Variants in CSE1L observed in about 807,000 individuals in gnomAD.
CSE1L encodes the protein exportin-2.
In CSE1L, 24 loss-of-function variants were observed where a neutral mutation model predicts 120.4. The ratio of observed to expected loss-of-function variants is 0.20; its 90% CI spans 0.14 to 0.28. The LOEUF is 0.28. Among genes scored for constraint, CSE1L ranks in the 10% least tolerant of loss-of-function variants. CSE1L has a pLI of 1.00. For synonymous variants in CSE1L, 402 were observed against 398.3 expected (o/e 1.01, Z -0.11); for missense variants, 830 against 1,145.2 (o/e 0.72, Z 3.97).
chr20:49,092,313 A>T lies in CSE1L; in HGVS notation c.2447+186A>T, dbSNP rs548726620. Among the ~76,000 whole-genome samples the T allele has an allele frequency of 2.6e-5, 4 of 152,106 alleles. No homozygotes were observed. The South Asian group carries it at 8.3e-4, about 32-fold the overall frequency. ...TAATCCTGGCCCAGCATGGTGGCTC[A>T]CGCCCGTAATCCCACACTCTGAGAG... On this transcript the variant is annotated intron_variant, in intron 22 of 24. Transcript: ENST00000262982.
At chr20:49,049,766 T>C (rs1343018027) in intron 1 of CSE1L, among the ~76,000 whole-genome samples, 1 of 152,202 alleles carries the variant, frequency 6.6e-6, no homozygotes, top group African/African-American at 2.4e-5. Flanking sequence ...CCTTAAAGAA[T>C]ATTCCCAAAG....
chr20:49,087,361 T>C (rs868723719), intron 16 of CSE1L, among the ~76,000 whole-genome samples: 1 of 147,086 alleles, frequency 6.8e-6, no homozygotes, highest in Admixed American at 6.8e-5. Context: ...CTTTTTTTTT[T>C]TTTTTTTTGA....
At chr20:49,083,689 AAT>A (rs2092031291) in intron 14 of CSE1L, among the ~76,000 whole-genome samples, 2 of 152,230 alleles carry the variant, frequency 1.3e-5, no homozygotes, top group African/African-American at 4.8e-5. Flanking sequence ...AAAAAGGTTA[AAT>A]AACTTTTTCA....
chr20:49,086,703 A>G (rs1241446146), intron 16 of CSE1L, among the ~76,000 whole-genome samples: 1 of 152,082 alleles, frequency 6.6e-6, no homozygotes, highest in East Asian at 1.9e-4. Context: ...ACTAGTCTGT[A>G]ATCTTCATTA....
At chr20:49,065,620 A>T (rs570650587) in intron 3 of CSE1L, among the ~76,000 whole-genome samples, 2 of 81,404 alleles carry the variant, frequency 2.5e-5, no homozygotes, top group East Asian at 1.4e-3. Context: ...TTTGAGACAG[A>T]GTCACTCTTG....
At chr20:49,049,712 T>C (rs1462176797) in intron 1 of CSE1L, among the ~76,000 whole-genome samples, 1 of 152,236 alleles carries the variant, frequency 6.6e-6, no homozygotes, top group African/African-American at 2.4e-5. Flanking sequence ...TTTTATAGAC[T>C]ATATCTGCAA....
intron 22 of CSE1L, 83 bp from the exon 23 acceptor site, chr20:49,094,057 T>C (rs2092121972): frequency 2.4e-6 from 2 of 838,306 alleles, no homozygotes; most frequent in Non-Finnish European, 3.7e-6. Context: ...ATCATATTCA[T>C]AAGAAGTAAC....
At chr20:49,083,282 G>A (rs970572231) in intron 14 of CSE1L, among the ~76,000 whole-genome samples, 1 of 152,174 alleles carries the variant, frequency 6.6e-6, no homozygotes, top group African/African-American at 2.4e-5. Context: ...GCCTCCCAAA[G>A]TGCTGGGATT....
chr20:49,081,102 G>A (rs2092009684), intron 14 of CSE1L, among the ~76,000 whole-genome samples: 1 of 150,932 alleles, frequency 6.6e-6, no homozygotes, highest in South Asian at 2.1e-4. Context: ...TCTTGCCTCA[G>A]CCTCCTGAGT....
At position 49,072,343 on chromosome 20, in the gene CSE1L, G is replaced by A. The variant is rs149344844; in HGVS notation, c.826G>A (p.Ala276Thr). The A allele has an allele frequency of 4.3e-6, 7 of 1,613,986 alleles. No individual in the cohort carries two copies. Among genetic ancestry groups the A allele is most frequent in the African/African-American group, 1.3e-5 (1 of 74,886 alleles). ...AAAATCCCAGATTTGTGATAATGCCGCACTCTATGCACAAAAGTACGATGA... is the reference window on the plus strand; with the variant it reads ...AAAATCCCAGATTTGTGATAATGCCACACTCTATGCACAAAAGTACGATGA... Reference protein sequence around the residue: ...LLKSQICDNAALYAQKYDEEF... With the variant: ...LLKSQICDNATLYAQKYDEEF... Residue 276 changes from alanine (A) to threonine (T), a missense_variant, in exon 9 of 25, where the codon GCA becomes ACA. By Grantham distance (58) the Ala-to-Thr change is moderately conservative. This residue lies in a region of CSE1L where 543 missense variants were observed against 640.2 expected (regional missense o/e 0.85). Transcript: ENST00000262982.
chr20:49,077,137 C>A, intron 13 of CSE1L, 73 bp downstream of exon 13: 1 of 770,212 alleles, frequency 1.3e-6, no homozygotes, highest in Non-Finnish European at 2.0e-6. Flanking sequence ...GCTTCCTATC[C>A]TTGTTCCCTT....
chr20:49,095,842 C>G (rs2092135321), intron 24 of CSE1L, among the ~76,000 whole-genome samples: 1 of 152,112 alleles, frequency 6.6e-6, no homozygotes, highest in African/African-American at 2.4e-5. Flanking sequence ...GCCTGGGCAA[C>G]AGAGCGAGGT....
chr20:49,077,345 A>G (rs2091977355), intron 13 of CSE1L, among the ~76,000 whole-genome samples: 1 of 151,974 alleles, frequency 6.6e-6, no homozygotes, highest in Non-Finnish European at 1.5e-5. Context: ...TTTTTAGTAG[A>G]GACGGGGTTT....
chr20:49,065,310 AAAAT>A (rs2091882303), intron 3 of CSE1L, among the ~76,000 whole-genome samples: 6 of 70,390 alleles, frequency 8.5e-5, no homozygotes, highest in African/African-American at 2.4e-4. Flanking sequence ...AAATGAAAAA[AAAAT>A]TTTTTTTTTT....
intron 17 of CSE1L, among the ~76,000 whole-genome samples, chr20:49,088,880 C>G (rs767362622): frequency 6.6e-6 from 1 of 152,026 alleles, no homozygotes; most frequent in Non-Finnish European, 1.5e-5. Context: ...TTAAAAAGAA[C>G]ATAAAAAACT....
chr20:49,085,191 G>C (rs1225600265), intron 15 of CSE1L, 92 bp from the exon 16 acceptor site: 2 of 895,760 alleles, frequency 2.2e-6, no homozygotes, highest in Non-Finnish European at 3.7e-6. Context: ...TCAGTTTTAT[G>C]CTGAGAAGGG....
intron 21 of CSE1L, 136 bp downstream of exon 21, chr20:49,091,158 C>T (rs1169507551): frequency 1.5e-6 from 1 of 669,390 alleles, no homozygotes; most frequent in African/African-American, 1.8e-5. Context: ...TGTGGAGGTT[C>T]ATGCCTGTAA....
At position 49,080,700 on chromosome 20, in the gene CSE1L, C is replaced by T. The variant is rs112947615; in HGVS notation, c.1482+2078C>T. On this transcript the variant is annotated intron_variant, in intron 14 of 24. Transcript: ENST00000262982. ...CATGTTGGTCAGGCTGGTCTCGAACCCCCTACCTCAGGCGATCCGCCTGCC... is the reference window on the plus strand; with the variant it reads ...CATGTTGGTCAGGCTGGTCTCGAACTCCCTACCTCAGGCGATCCGCCTGCC... Among the ~76,000 whole-genome samples the T allele has an allele frequency of 7.0e-4, 107 of 152,072 alleles. 1 individual carries two copies. The highest frequency in any genetic ancestry group is 2.5e-3 in the African/African-American group (102 of 41,486).
chr20:49,089,396 A>G lies in CSE1L; in HGVS notation c.1971A>G (p.Gln657=). The G allele has an allele frequency of 6.2e-7, 1 of 1,607,328 alleles. No individual in the cohort carries two copies. Among genetic ancestry groups the G allele is most frequent in the Non-Finnish European group, 8.5e-7 (1 of 1,178,352 alleles). ...CTGAAATCTTACAAAATGATGTGCA[A>G]GGTAAGTTAACGGAAATTATTTTCT... ...VFTEILQNDV[Q]EFIPYVFQVM... is the part of the protein sequence containing the mutation. Residue 657 remains glutamine, a splice_region_variant and synonymous_variant, in exon 18 of 25, where the codon CAA becomes CAG. Transcript: ENST00000262982.
Sources: allele counts gnomAD v4.1 joint callset (sites outside exome capture counted in the v4.1 genomes callset), GRCh38; gene constraint gnomAD v4.1.1; regional missense constraint gnomAD v4.1.1; transcripts MANE v1.5; gene names NCBI Gene and HGNC (gene_info 2026-07-23, HGNC 2026-07-21).